The following ULK4 variants were observed in gnomAD, a reference collection of about 807,000 sequenced individuals.
ULK4 encodes inactive serine/threonine-protein kinase ULK4.
Under a neutral mutation model 160.6 loss-of-function variants are expected in ULK4, and 133 were observed. The ratio of observed to expected loss-of-function variants is 0.83; its 90% CI spans 0.72 to 0.96. The LOEUF is 0.96. Ranked by LOEUF, ULK4 falls within the 40% of genes least tolerant of loss-of-function variation. The probability of loss-of-function intolerance (pLI) is 0.00; values close to 1 mark genes in which losing one functional copy is unlikely to be tolerated. For missense variants in ULK4, 1,580 were observed against 1,499.5 expected, an observed-to-expected ratio of 1.05 and a Z score of -0.89; for synonymous variants, 534 against 539.8, an observed-to-expected ratio of 0.99 and a Z score of 0.15.
At position 41,761,323 on chromosome 3, in the gene ULK4, G is replaced by A. The variant is rs892948675; in HGVS notation, c.2194-6835C>T. 2.1e-3 allele frequency among the ~76,000 whole-genome samples: 315 copies of A among 147,818 alleles called. 2 individuals carry two copies. The highest frequency in any genetic ancestry group is 7.2e-3 in the African/African-American group (294 of 40,612). On this transcript the variant is annotated intron_variant, in intron 21 of 36. Coordinates refer to ENST00000301831, the MANE Select transcript of ULK4 (RefSeq NM_017886.4). ...ACACATAAAATACATTATATACTAT[G>A]TTATGTTATATATTATCATACATAT...
chr3:41,819,527 A>C, intron 18 of ULK4, 21 bp from the exon 19 acceptor site: 1 of 1,608,102 alleles, frequency 6.2e-7, no homozygotes, highest in Non-Finnish European at 8.5e-7. Flanking sequence ...GTGGGAAAAA[A>C]AAAGGCAGTG....
intron 20 of ULK4, among the ~76,000 whole-genome samples, chr3:41,799,564 T>C (rs1341018937): frequency 1.3e-5 from 2 of 152,144 alleles, no homozygotes; most frequent in African/African-American, 2.4e-5. Flanking sequence ...TACTATCGCC[T>C]CTAAATTGTT....
intron 18 of ULK4, 86 bp downstream of exon 18, chr3:41,835,778 A>C: frequency 1.9e-6 from 2 of 1,056,068 alleles, no homozygotes; most frequent in Non-Finnish European, 2.8e-6. Flanking sequence ...CGCAAAATCA[A>C]AAAACTTTTA....
chr3:41,933,404 A>G (rs1050728023), intron 4 of ULK4, among the ~76,000 whole-genome samples: 7 of 152,268 alleles, frequency 4.6e-5, no homozygotes, highest in South Asian at 2.1e-4. Context: ...TTTCAATGGA[A>G]TCTCATACTT....
intron 35 of ULK4, among the ~76,000 whole-genome samples, chr3:41,333,144 T>C (rs1170023971): frequency 2.0e-5 from 3 of 152,256 alleles, no homozygotes; most frequent in Non-Finnish European, 4.4e-5. Context: ...AGATATCATC[T>C]ACAGGTATTT....
intron 17 of ULK4, among the ~76,000 whole-genome samples, chr3:41,875,870 G>A: frequency 6.7e-6 from 1 of 149,038 alleles, no homozygotes; most frequent in Non-Finnish European, 1.5e-5. Flanking sequence ...TTAATCAAAT[G>A]ATCAAAGTAG....
intron 34 of ULK4, among the ~76,000 whole-genome samples, chr3:41,401,419 G>A (rs2082176390): frequency 6.6e-6 from 1 of 152,162 alleles, no homozygotes; most frequent in South Asian, 2.1e-4. Context: ...GGTACTGCAT[G>A]TTTAATGAAC....
chr3:41,918,440 A>G lies in ULK4; in HGVS notation c.727+17T>C. 2 of 1,533,714 alleles carry G rather than the reference A, an allele frequency of 1.3e-6. No individual in the cohort carries two copies. The highest frequency in any genetic ancestry group is 1.8e-6 in the Non-Finnish European group (2 of 1,130,094). ...TGTAAAATGTAAATTAATTCCATTTATCATAAGAAATCTTACCTTTCGGAA... is the reference window on the plus strand; with the variant it reads ...TGTAAAATGTAAATTAATTCCATTTGTCATAAGAAATCTTACCTTTCGGAA... On this transcript the variant is annotated intron_variant, in intron 7 of 36. Transcript: ENST00000301831.
chr3:41,385,115 G>C (rs1441388551), intron 35 of ULK4, among the ~76,000 whole-genome samples: 2 of 152,096 alleles, frequency 1.3e-5, no homozygotes, highest in Non-Finnish European at 2.9e-5. Context: ...TTTCTTAGTT[G>C]TGATAATGGT....
chr3:41,740,923 A>G (rs2038221255), intron 22 of ULK4, among the ~76,000 whole-genome samples: 1 of 151,996 alleles, frequency 6.6e-6, no homozygotes, highest in Non-Finnish European at 1.5e-5. Flanking sequence ...GCACATGAAT[A>G]CAATACCTGG....
intron 30 of ULK4, among the ~76,000 whole-genome samples, chr3:41,625,390 T>A (rs2033455450): frequency 6.6e-6 from 1 of 152,188 alleles, no homozygotes; most frequent in Admixed American, 6.5e-5. Flanking sequence ...TCGGTCTCCT[T>A]ACTTTAAGCA....
chr3:41,454,330 A>G (rs2125870280), intron 34 of ULK4, among the ~76,000 whole-genome samples: 1 of 151,322 alleles, frequency 6.6e-6, no homozygotes, highest in Admixed American at 6.6e-5. Flanking sequence ...ACTTGAAGCC[A>G]GGAATTTGAG....
intron 35 of ULK4, among the ~76,000 whole-genome samples, chr3:41,356,315 G>A (rs2081028593): frequency 6.6e-6 from 1 of 152,168 alleles, no homozygotes; most frequent in Non-Finnish European, 1.5e-5. Context: ...GAAGCTGCCT[G>A]GCAGGAATGC....
At chr3:41,566,387 A>G (rs2087784601) in intron 31 of ULK4, among the ~76,000 whole-genome samples, 1 of 152,194 alleles carries the variant, frequency 6.6e-6, no homozygotes, top group Non-Finnish European at 1.5e-5. Context: ...GAGAGATAAC[A>G]CATGGTCCTC....
intron 18 of ULK4, among the ~76,000 whole-genome samples, chr3:41,829,039 A>G (rs936478636): frequency 6.6e-6 from 1 of 151,448 alleles, no homozygotes; most frequent in South Asian, 2.1e-4. Context: ...AAAACAAGCA[A>G]TGGGGAAAGG....
At chr3:41,719,640 T>C (rs1331576326) in intron 22 of ULK4, among the ~76,000 whole-genome samples, 2 of 152,156 alleles carry the variant, frequency 1.3e-5, no homozygotes, top group African/African-American at 2.4e-5. Flanking sequence ...CTTTCACTTC[T>C]CCACTCCAAA....
At chr3:41,268,111 T>C (rs997288585) in intron 35 of ULK4, among the ~76,000 whole-genome samples, 3 of 152,108 alleles carry the variant, frequency 2.0e-5, no homozygotes, top group African/African-American at 7.2e-5. Flanking sequence ...ATCTAATGGG[T>C]AGAGCCAGAA....
intron 18 of ULK4, among the ~76,000 whole-genome samples, chr3:41,830,721 T>C (rs951771848): frequency 3.9e-5 from 6 of 152,152 alleles, no homozygotes; most frequent in African/African-American, 1.4e-4. Context: ...ACTGGTTTTA[T>C]TTTGACACCC....
At chr3:41,553,878 T>C (rs1795369) in intron 32 of ULK4, among the ~76,000 whole-genome samples, 77,565 of 151,886 alleles carry the variant, frequency 0.51, 19,922 homozygotes, top group Middle Eastern at 0.57. Context: ...TAAATTATTT[T>C]TTATTATAGC....
Sources: allele counts gnomAD v4.1 joint callset (sites outside exome capture counted in the v4.1 genomes callset), GRCh38; gene constraint gnomAD v4.1.1; transcripts MANE v1.5; gene names NCBI Gene and HGNC (gene_info 2026-07-23, HGNC 2026-07-21).